FGF12: variants seen among roughly 807,000 people sequenced by gnomAD.
FGF12 encodes the protein fibroblast growth factor 12, also known as fibroblast growth factor 12B.
FGF12 carries 14 observed loss-of-function variants against 23.6 expected under a neutral mutation model. That is an observed-to-expected ratio of 0.59 (90% CI 0.39 to 0.93). The LOEUF is 0.93. FGF12 is among the 40% of genes least tolerant of loss of function. FGF12 has a pLI of 0.00. For missense variants in FGF12, 175 were observed against 217.8 expected (o/e 0.80, Z 1.24); for synonymous variants, 62 against 77.3 (o/e 0.80, Z 1.04).
chr3:192,650,614 T>C (rs1716181129), intron 2 of FGF12, among the ~76,000 whole-genome samples: 1 of 152,196 alleles, frequency 6.6e-6, no homozygotes. Flanking sequence ...TATAAGTTTC[T>C]TCCAAACAAG....
At chr3:192,486,110 C>T (rs1723625602) in intron 2 of FGF12, among the ~76,000 whole-genome samples, 1 of 152,048 alleles carries the variant, frequency 6.6e-6, no homozygotes, top group Non-Finnish European at 1.5e-5. Flanking sequence ...CCAAAGAATA[C>T]AGCACCAAAC....
intron 4 of FGF12, among the ~76,000 whole-genome samples, chr3:192,234,707 T>G (rs915666578): frequency 1.3e-5 from 2 of 152,142 alleles, no homozygotes; most frequent in East Asian, 3.9e-4. Context: ...TGAGGTATGG[T>G]CTTTCAATGG....
intron 4 of FGF12, among the ~76,000 whole-genome samples, chr3:192,254,841 C>A (rs116494011): frequency 6.6e-6 from 1 of 151,966 alleles, no homozygotes; most frequent in Non-Finnish European, 1.5e-5. Context: ...ACAAATAGAT[C>A]CTTCCTTAAT....
chr3:192,255,764 T>C (rs552154679), intron 4 of FGF12, among the ~76,000 whole-genome samples: 28 of 152,224 alleles, frequency 1.8e-4, no homozygotes, highest in Admixed American at 1.1e-3. Context: ...GAAAGAAATA[T>C]GTTACATTTA....
chr3:192,714,212 C>T (rs1718786596), intron 2 of FGF12, among the ~76,000 whole-genome samples: 3 of 152,022 alleles, frequency 2.0e-5, no homozygotes, highest in South Asian at 2.1e-4. Context: ...GGACCCTTGC[C>T]CAATGTCTTT....
intron 4 of FGF12, among the ~76,000 whole-genome samples, chr3:192,231,283 C>G (rs1719006412): frequency 6.6e-6 from 1 of 150,936 alleles, no homozygotes; most frequent in Non-Finnish European, 1.5e-5. Context: ...GTCACAGGCC[C>G]CCCTTTTTTT....
rs115385356 is a variant in FGF12, at chr3:192,353,847, T to C, written c.124+6581A>G. ...AAATATTATTTGGAGGCACTATCTT[T>C]AAAATTAAAACACAGTCAATGAAAA... is the stretch of plus-strand genomic sequence containing the variant. On this transcript the variant is annotated intron_variant, in intron 3 of 5. Transcript: ENST00000445105. 8.2e-3 allele frequency among the ~76,000 whole-genome samples: 1,243 copies of C among 152,350 alleles called. 13 individuals are homozygous for C. The highest frequency in any genetic ancestry group is 0.029 in the African/African-American group (1,199 of 41,588).
At chr3:192,579,045 C>T (rs1018085725) in intron 2 of FGF12, among the ~76,000 whole-genome samples, 2 of 152,140 alleles carry the variant, frequency 1.3e-5, no homozygotes, top group Non-Finnish European at 1.5e-5. Context: ...ATTTCTTTTT[C>T]TCTTTTCTTT....
At chr3:192,396,670 A>G (rs1334884370) in intron 2 of FGF12, among the ~76,000 whole-genome samples, 1 of 152,222 alleles carries the variant, frequency 6.6e-6, no homozygotes, top group Non-Finnish European at 1.5e-5. Context: ...CTCAAGGCTA[A>G]TGTCACAGTT....
chr3:192,553,384 A>G (rs756254475), intron 2 of FGF12, among the ~76,000 whole-genome samples: 14 of 152,182 alleles, frequency 9.2e-5, no homozygotes, highest in Non-Finnish European at 1.9e-4. Context: ...CTTACATTTT[A>G]TATGAAATAC....
chr3:192,527,959 A>C (rs1724992359), intron 2 of FGF12, among the ~76,000 whole-genome samples: 1 of 152,066 alleles, frequency 6.6e-6, no homozygotes, highest in African/African-American at 2.4e-5. Flanking sequence ...CCCATTATTC[A>C]ACTACCTCCC....
intron 2 of FGF12, among the ~76,000 whole-genome samples, chr3:192,636,029 C>A (rs1036759308): frequency 4.6e-5 from 7 of 152,274 alleles, no homozygotes; most frequent in Middle Eastern, 3.4e-3. Context: ...AAACACTGCA[C>A]TGAGGAAGAT....
chr3:192,560,576 AG>A (rs1416293053), intron 2 of FGF12, among the ~76,000 whole-genome samples: 10 of 152,112 alleles, frequency 6.6e-5, no homozygotes, highest in Non-Finnish European at 1.2e-4. Context: ...TATTCAAATT[AG>A]GTAAAAGGAT....
At position 192,582,745 on chromosome 3, in the gene FGF12, G is replaced by A. The variant is rs1440476392; in HGVS notation, c.13+144436C>T. On this transcript the variant is annotated intron_variant, in intron 2 of 5. Transcript: ENST00000445105. ...TATGAACATAGATATAAAGGTCTGG[G>A]TATGAACCAGGATCAAGGTGAAGAT... 4.6e-5 allele frequency among the ~76,000 whole-genome samples: 7 copies of A among 152,090 alleles called. 1 individual carries two copies. Among genetic ancestry groups the A allele is most frequent in the Middle Eastern group, 3.4e-3 (1 of 294 alleles).
At chr3:192,415,798 GAATAT>G (rs1203642278) in intron 2 of FGF12, among the ~76,000 whole-genome samples, 2 of 137,184 alleles carry the variant, frequency 1.5e-5, no homozygotes, top group Admixed American at 7.3e-5. Context: ...AGAAGAAAAG[GAATAT>G]AATAAGGCAA....
intron 2 of FGF12, among the ~76,000 whole-genome samples, chr3:192,684,910 C>A (rs538008280): frequency 6.6e-6 from 1 of 152,238 alleles, no homozygotes; most frequent in South Asian, 2.1e-4. Context: ...GGGAGACTGA[C>A]CTTGTTGTTC....
intron 2 of FGF12, among the ~76,000 whole-genome samples, chr3:192,631,550 C>T (rs1394270904): frequency 6.6e-6 from 1 of 152,224 alleles, no homozygotes; most frequent in Admixed American, 6.5e-5. Flanking sequence ...ATGTTTTGGT[C>T]TACATAATTC....
chr3:192,703,515 A>C (rs1440917835), intron 2 of FGF12, among the ~76,000 whole-genome samples: 1 of 152,214 alleles, frequency 6.6e-6, no homozygotes, highest in Non-Finnish European at 1.5e-5. Context: ...AAAATGAGAC[A>C]ACACTCAAGT....
chr3:192,460,641 C>T (rs1722832167), intron 2 of FGF12, among the ~76,000 whole-genome samples: 1 of 149,960 alleles, frequency 6.7e-6, no homozygotes, highest in African/African-American at 2.5e-5. Flanking sequence ...ACAACAACAG[C>T]AACAACAAAT....
Sources: allele counts gnomAD v4.1 joint callset (sites outside exome capture counted in the v4.1 genomes callset), GRCh38; gene constraint gnomAD v4.1.1; transcripts MANE v1.5; gene names NCBI Gene and HGNC (gene_info 2026-07-23, HGNC 2026-07-21).